Variants in CSNK2A1 observed in about 807,000 individuals in gnomAD.
CSNK2A1 encodes casein kinase 2 alpha 1, also known as casein kinase II subunit alpha.
CSNK2A1 carries 10 observed loss-of-function variants against 62.9 expected under a neutral mutation model. The ratio of observed to expected loss-of-function variants is 0.16; its 90% CI spans 0.10 to 0.27. CSNK2A1 has a LOEUF of 0.27. Ranked by LOEUF, CSNK2A1 falls within the 10% of genes least tolerant of loss-of-function variation. The pLI, the probability that CSNK2A1 is intolerant of heterozygous loss-of-function variation, is 1.00. For missense variants in CSNK2A1, 160 were observed against 492.0 expected, an observed-to-expected ratio of 0.33 and a Z score of 6.38; for synonymous variants, 124 against 167.8, an observed-to-expected ratio of 0.74 and a Z score of 2.02.
At chr20:535,493 C>A (rs538145136) in intron 1 of CSNK2A1, among the ~76,000 whole-genome samples, 3 of 151,842 alleles carry the variant, frequency 2.0e-5, no homozygotes, top group African/African-American at 4.8e-5. Flanking sequence ...CGGTGGCTCA[C>A]GCCTGTAACC....
chr20:499,379 G>C lies in CSNK2A1; in HGVS notation c.316-74C>G. The C allele has an allele frequency of 6.9e-7, 1 of 1,453,386 alleles. No homozygotes were observed. The highest frequency in any genetic ancestry group is 1.4e-5 in the African/African-American group (1 of 70,784). 90.0% of individuals were successfully genotyped at this position (1,453,386 alleles called of 1,614,324 possible). On this transcript the variant is annotated intron_variant, in intron 5 of 13. Coordinates refer to ENST00000217244, the MANE Select transcript of CSNK2A1 (RefSeq NM_177559.3). This position sits in a 1 kb window ranked among gnomAD's most constrained non-coding sequence, Gnocchi z 4.2. ...CAGCTTTAATGGGGACAATGTTTGCGGATGCTGCGTGGTGAAATTTGGCAG... is the reference window on the plus strand; with the variant it reads ...CAGCTTTAATGGGGACAATGTTTGCCGATGCTGCGTGGTGAAATTTGGCAG...
chr20:509,246 A>T (rs1279165080), intron 2 of CSNK2A1, among the ~76,000 whole-genome samples: 1 of 152,242 alleles, frequency 6.6e-6, no homozygotes, highest in Non-Finnish European at 1.5e-5. Flanking sequence ...CATTTGAAAG[A>T]CACACTTGGT....
chr20:508,887 C>T (rs1361202139), intron 2 of CSNK2A1, among the ~76,000 whole-genome samples: 1 of 152,150 alleles, frequency 6.6e-6, no homozygotes, highest in Non-Finnish European at 1.5e-5. Flanking sequence ...GCCAAATATC[C>T]TGTTACCTCT....
intron 13 of CSNK2A1, among the ~76,000 whole-genome samples, chr20:484,776 G>A (rs2018032775): frequency 6.6e-6 from 1 of 151,346 alleles, no homozygotes; most frequent in African/African-American, 2.4e-5. Context: ...GTTCAAAAAA[G>A]TATACAAAGG....
chr20:484,694 TTGTGTGTGTGTG>T (rs3055006), intron 13 of CSNK2A1, among the ~76,000 whole-genome samples: 5 of 147,620 alleles, frequency 3.4e-5, no homozygotes, highest in African/African-American at 1.0e-4. Flanking sequence ...AATCATGTTT[TTGTGTGTGTGTG>T]TGTGTGTGTG....
intron 9 of CSNK2A1, 23 bp downstream of exon 9, chr20:492,231 T>G (rs1233647402): frequency 6.3e-7 from 1 of 1,593,740 alleles, no homozygotes; most frequent in Admixed American, 1.7e-5. Context: ...GGATCAAAAC[T>G]GTGCCTGCCC....
chr20:481,521 TTC>T lies in CSNK2A1; in HGVS notation c.*2438_*2439del, dbSNP rs1555759427. On this transcript the variant is annotated 3_prime_UTR_variant, in exon 14 of 14. Coordinates refer to ENST00000217244, the MANE Select transcript of CSNK2A1 (RefSeq NM_177559.3). ...CCACCCAATTGGGTCTTTTTTTTTT[TTC>T]TCTCTCTCCATGCTTCTGCAGTGAC... The T allele has an allele frequency of 8.1e-6, 1 of 124,108 alleles. No homozygotes were observed. The highest frequency in any genetic ancestry group is 1.6e-5 in the Non-Finnish European group (1 of 62,162). 7.7% of individuals were successfully genotyped at this position (124,108 alleles called of 1,614,324 possible). A position where few individuals can be genotyped will look rare whatever the true frequency, so the allele number is the denominator to read the frequency against.
At chr20:525,442 G>A (rs556104601) in intron 2 of CSNK2A1, among the ~76,000 whole-genome samples, 2 of 151,438 alleles carry the variant, frequency 1.3e-5, no homozygotes, top group African/African-American at 2.4e-5. Context: ...CACGAGGTCA[G>A]AAGATCGAGA....
chr20:541,363 A>G (rs747079954), intron 1 of CSNK2A1, among the ~76,000 whole-genome samples: 2 of 152,216 alleles, frequency 1.3e-5, no homozygotes. Context: ...AGGGAGATGT[A>G]ATTCTGCCTA....
intron 3 of CSNK2A1, chr20:506,023 C>G (rs1293923930): frequency 6.6e-6 from 1 of 151,866 alleles, no homozygotes; most frequent in Non-Finnish European, 1.5e-5. Flanking sequence ...CTACAGGCGC[C>G]CACCACCACG....
intron 2 of CSNK2A1, among the ~76,000 whole-genome samples, chr20:511,703 T>TACACACAC (rs61288887): frequency 1.3e-5 from 2 of 150,920 alleles, no homozygotes; most frequent in Non-Finnish European, 3.0e-5. Context: ...TGTATATATA[T>TACACACAC]ACACACACAC....
intron 1 of CSNK2A1, among the ~76,000 whole-genome samples, chr20:531,574 T>A (rs183868249): frequency 1.9e-3 from 284 of 151,970 alleles, no homozygotes; most frequent in African/African-American, 6.2e-3. Flanking sequence ...ACATGTACAT[T>A]TTTTTTTGAA....
intron 2 of CSNK2A1, among the ~76,000 whole-genome samples, chr20:514,649 C>G (rs930592286): frequency 6.6e-6 from 1 of 152,038 alleles, no homozygotes; most frequent in Admixed American, 6.5e-5. Flanking sequence ...GTCATGATGC[C>G]CAGGCTGGTC....
intron 1 of CSNK2A1, among the ~76,000 whole-genome samples, chr20:531,689 T>C (rs1000215208): frequency 1.3e-5 from 2 of 152,192 alleles, no homozygotes; most frequent in African/African-American, 4.8e-5. Flanking sequence ...CTTGGTGATT[T>C]ACATAAATAT....
intron 10 of CSNK2A1, chr20:489,056 GCA>G: frequency 3.1e-6 from 1 of 322,360 alleles, no homozygotes; most frequent in Non-Finnish European, 5.8e-6. Flanking sequence ...AGCTCCCATT[GCA>G]CACTCAAACT....
chr20:475,517 T>C lies in CSNK2A1; in HGVS notation c.*8444A>G, dbSNP rs934023424. On this transcript the variant is annotated 3_prime_UTR_variant, in exon 14 of 14. Coordinates refer to ENST00000217244, the MANE Select transcript of CSNK2A1 (RefSeq NM_177559.3). ...TTCCACACACACATATATATATACA[T>C]AGATGTTATATGTGGTTGCCTTCTG... 3 of 151,400 alleles carry C rather than the reference T, an allele frequency of 2.0e-5. No homozygotes were observed. The highest frequency in any genetic ancestry group is 2.9e-5 in the Non-Finnish European group (2 of 67,906). 9.4% of individuals were successfully genotyped at this position (151,400 alleles called of 1,614,324 possible). A position where few individuals can be genotyped will look rare whatever the true frequency, so the allele number is the denominator to read the frequency against.
chr20:535,034 C>CAAAAAAAA (rs11469217), intron 1 of CSNK2A1, among the ~76,000 whole-genome samples: 4 of 50,754 alleles, frequency 7.9e-5, no homozygotes, highest in African/African-American at 3.4e-4. Context: ...TGCTATCTCC[C>CAAAAAAAA]AAAAAAAAAA....
intron 10 of CSNK2A1, 124 bp downstream of exon 10, chr20:489,656 C>T (rs771703729): frequency 2.4e-4 from 163 of 688,904 alleles, no homozygotes; most frequent in Non-Finnish European, 3.2e-4. Flanking sequence ...TGGTAGCTCC[C>T]GAAACATCAA....
chr20:525,374 T>A (rs899144082), intron 2 of CSNK2A1, among the ~76,000 whole-genome samples: 2 of 151,812 alleles, frequency 1.3e-5, no homozygotes, highest in East Asian at 3.9e-4. Flanking sequence ...AAAAATCGGC[T>A]GGGCGCAGTG....
Sources: allele counts gnomAD v4.1 joint callset (sites outside exome capture counted in the v4.1 genomes callset), GRCh38; gene constraint gnomAD v4.1.1; non-coding constraint Gnocchi (gnomAD v3.1); transcripts MANE v1.5; gene names NCBI Gene and HGNC (gene_info 2026-07-23, HGNC 2026-07-21).